CSNK2A2IP: variants seen among roughly 807,000 people sequenced by gnomAD.
The protein encoded by CSNK2A2IP is casein kinase 2 subunit alpha' interacting protein.
chr3:88,399,116 T>G, the CSNK2A2IP span, among the ~76,000 whole-genome samples: 6 of 152,100 alleles, frequency 3.9e-5, no homozygotes, highest in African/African-American at 1.4e-4. Flanking sequence ...ATAGGTGGTG[T>G]TTTTTAATGA....
the CSNK2A2IP span, among the ~76,000 whole-genome samples, chr3:88,397,787 C>G: frequency 6.6e-6 from 1 of 151,142 alleles, no homozygotes; most frequent in Non-Finnish European, 1.5e-5. Context: ...AAAATAACAT[C>G]ACAGTTTGAG....
chr3:88,416,087 A>G, the CSNK2A2IP span, among the ~76,000 whole-genome samples: 2 of 151,766 alleles, frequency 1.3e-5, no homozygotes, highest in Admixed American at 6.6e-5. Flanking sequence ...CCTGGCCAAC[A>G]TGGTGAAATC....
At chr3:88,358,013 C>T in the CSNK2A2IP span, among the ~76,000 whole-genome samples, 1 of 152,086 alleles carries the variant, frequency 6.6e-6, no homozygotes, top group African/African-American at 2.4e-5. Context: ...TGCTCCCAGT[C>T]CATCAGTGTT....
the CSNK2A2IP span, among the ~76,000 whole-genome samples, chr3:88,447,628 A>G: frequency 6.6e-6 from 1 of 152,130 alleles, no homozygotes; most frequent in African/African-American, 2.4e-5. Flanking sequence ...TTCAATAAAG[A>G]AAAACTTAGT....
chr3:88,353,916 G>T, the CSNK2A2IP span, among the ~76,000 whole-genome samples: 2 of 152,116 alleles, frequency 1.3e-5, no homozygotes, highest in Non-Finnish European at 2.9e-5. Flanking sequence ...GTTAAAATTT[G>T]ATCCCCAGTG....
the CSNK2A2IP span, among the ~76,000 whole-genome samples, chr3:88,352,657 C>A: frequency 1.3e-5 from 2 of 151,978 alleles, no homozygotes; most frequent in Non-Finnish European, 2.9e-5. Flanking sequence ...CAGCTCACTG[C>A]GGCCTCAACC....
chr3:88,388,692 C>T, the CSNK2A2IP span, among the ~76,000 whole-genome samples: 1 of 152,160 alleles, frequency 6.6e-6, no homozygotes. Flanking sequence ...CCTCCCTTTG[C>T]TGTTCTGGAA....
chr3:88,386,766 G>A, the CSNK2A2IP span, among the ~76,000 whole-genome samples: 1 of 152,214 alleles, frequency 6.6e-6, no homozygotes, highest in Non-Finnish European at 1.5e-5. Flanking sequence ...ATACAGTATA[G>A]TTATTGGTAA....
chr3:88,372,472 T>TA, the CSNK2A2IP span, among the ~76,000 whole-genome samples: 3 of 151,442 alleles, frequency 2.0e-5, no homozygotes, highest in South Asian at 6.2e-4. Flanking sequence ...GAGCAATCAT[T>TA]AAAAAACGTA....
chr3:88,450,517 A>G, the CSNK2A2IP span, among the ~76,000 whole-genome samples: 1 of 152,000 alleles, frequency 6.6e-6, no homozygotes, highest in East Asian at 1.9e-4. Context: ...AAAACATTCT[A>G]CATATAAAGG....
the CSNK2A2IP span, among the ~76,000 whole-genome samples, chr3:88,432,032 T>C: frequency 6.6e-6 from 1 of 152,108 alleles, no homozygotes; most frequent in Admixed American, 6.5e-5. Flanking sequence ...TTAAAACATT[T>C]CTGTTTCAGT....
At chr3:88,356,729 C>T in the CSNK2A2IP span, among the ~76,000 whole-genome samples, 1 of 152,004 alleles carries the variant, frequency 6.6e-6, no homozygotes, top group African/African-American at 2.4e-5. Flanking sequence ...TAGGAGTGTT[C>T]CCCTTTTTTT....
chr3:88,413,635 A>C, the CSNK2A2IP span, among the ~76,000 whole-genome samples: 1 of 151,902 alleles, frequency 6.6e-6, no homozygotes, highest in Non-Finnish European at 1.5e-5. Context: ...GTGTGTGTGC[A>C]TGCTTACATA....
chr3:88,460,640 G>T, the CSNK2A2IP span, among the ~76,000 whole-genome samples: 1 of 152,038 alleles, frequency 6.6e-6, no homozygotes. Flanking sequence ...AAGTGTTAAA[G>T]CTCCATTATC....
chr3:88,382,042 T>C, the CSNK2A2IP span, among the ~76,000 whole-genome samples: 1 of 152,218 alleles, frequency 6.6e-6, no homozygotes, highest in African/African-American at 2.4e-5. Flanking sequence ...ACTTTTACTG[T>C]AGGCGTATTC....
chr3:88,454,840 G>A, the CSNK2A2IP span, among the ~76,000 whole-genome samples: 4 of 151,564 alleles, frequency 2.6e-5, no homozygotes, highest in African/African-American at 4.8e-5. Context: ...TCAACTATAC[G>A]GTGCATTATT....
the CSNK2A2IP span, among the ~76,000 whole-genome samples, chr3:88,396,330 C>A: frequency 1.3e-5 from 2 of 152,026 alleles, no homozygotes; most frequent in African/African-American, 2.4e-5. Flanking sequence ...TGGTCTCGAT[C>A]TCCTGACCTC....
chr3:88,380,655 A>G, the CSNK2A2IP span, among the ~76,000 whole-genome samples: 5 of 152,038 alleles, frequency 3.3e-5, no homozygotes, highest in Non-Finnish European at 5.9e-5. Context: ...ACTTTCGTTG[A>G]CTGGAATTGC....
chr3:88,356,114 T>C, the CSNK2A2IP span, among the ~76,000 whole-genome samples: 184 of 152,276 alleles, frequency 1.2e-3, 1 homozygote, highest in Non-Finnish European at 2.4e-3. Context: ...TCCACTCTTT[T>C]AGTTACTTTG....
Sources: allele counts gnomAD v4.1 joint callset (sites outside exome capture counted in the v4.1 genomes callset), GRCh38; gene constraint gnomAD v4.1.1; transcripts MANE v1.5; gene names NCBI Gene and HGNC (gene_info 2026-07-23, HGNC 2026-07-21).